DIXDC1: variants seen among roughly 807,000 people sequenced by gnomAD.
DIXDC1 encodes the protein DIX domain containing 1, also known as dixin.
Under a neutral mutation model 103.1 loss-of-function variants are expected in DIXDC1, and 64 were observed. That is an observed-to-expected ratio of 0.62 (90% confidence interval 0.51 to 0.76). The LOEUF (loss-of-function observed/expected upper bound fraction) is 0.76, where lower values mean the gene tolerates loss of function less well. Among genes scored for constraint, DIXDC1 ranks in the 30% least tolerant of loss-of-function variants. The pLI, the probability that DIXDC1 is intolerant of heterozygous loss-of-function variation, is 0.00. For synonymous variants in DIXDC1, 266 were observed against 298.5 expected (o/e 0.89, Z 1.12); for missense variants, 759 against 834.2 (o/e 0.91, Z 1.11).
chr11:111,946,760 C>T, intron 1 of DIXDC1: 1 of 486,824 alleles, frequency 2.1e-6, no homozygotes, highest in Non-Finnish European at 4.1e-6. Context: ...ACGCCACATG[C>T]AGATTTTGGT....
chr11:112,002,701 CA>C (rs1397755256), intron 17 of DIXDC1, among the ~76,000 whole-genome samples: 2 of 152,094 alleles, frequency 1.3e-5, no homozygotes, highest in Non-Finnish European at 2.9e-5. Flanking sequence ...GGTGGAAGGA[CA>C]GCTTTAGCCT....
At chr11:111,966,228 C>CTTTTTTTTTTTTTTTTTTTTTTTTTT (rs71060203) in intron 2 of DIXDC1, among the ~76,000 whole-genome samples, 2 of 91,702 alleles carry the variant, frequency 2.2e-5, no homozygotes, top group South Asian at 4.1e-4. Flanking sequence ...TTTTTTTTTC[C>CTTTTTTTTTTTTTTTTTTTTTTTTTT]TTTTTTTTTT....
intron 17 of DIXDC1, among the ~76,000 whole-genome samples, chr11:112,002,853 T>A (rs971437573): frequency 2.0e-5 from 3 of 152,040 alleles, no homozygotes; most frequent in Non-Finnish European, 2.9e-5. Context: ...CATCAACAGA[T>A]GAGTGGGTAT....
intron 19 of DIXDC1, among the ~76,000 whole-genome samples, chr11:112,018,725 A>C (rs1369938972): frequency 6.6e-6 from 1 of 152,216 alleles, no homozygotes; most frequent in Non-Finnish European, 1.5e-5. Flanking sequence ...TAATTCTTAC[A>C]AATCTCTATG....
chr11:111,949,495 C>G (rs1233479205), intron 1 of DIXDC1, among the ~76,000 whole-genome samples: 1 of 152,222 alleles, frequency 6.6e-6, no homozygotes, highest in Non-Finnish European at 1.5e-5. Context: ...CTCACTGGTG[C>G]TGCTTCAGTT....
chr11:111,950,495 G>T (rs1473273015), intron 1 of DIXDC1, among the ~76,000 whole-genome samples: 2 of 104,846 alleles, frequency 1.9e-5, no homozygotes, highest in Non-Finnish European at 3.6e-5. Context: ...CACTCTTGTC[G>T]CCCAGGCTGG....
intron 1 of DIXDC1, among the ~76,000 whole-genome samples, chr11:111,955,727 C>T (rs587754910): frequency 1.6e-4 from 23 of 145,936 alleles, no homozygotes; most frequent in Non-Finnish European, 2.4e-4. Context: ...CCCAGCTACT[C>T]GGGAGGCTGA....
chr11:111,993,643 T>A (rs1555174863), intron 13 of DIXDC1, 26 bp from the exon 14 acceptor site: 1 of 1,613,988 alleles, frequency 6.2e-7, no homozygotes, highest in Admixed American at 1.7e-5. Flanking sequence ...AAGAAATCAT[T>A]TTCTGATTTA....
At chr11:111,937,135 G>GC (rs1966223885), upstream of DIXDC1, 7 of 723,094 alleles carry the variant, frequency 9.7e-6, no homozygotes, top group African/African-American at 2.0e-5. Context: ...CCCGGGCGGG[G>GC]GGGGGGTGTG....
At chr11:111,955,907 A>G (rs1555170521) in intron 1 of DIXDC1, among the ~76,000 whole-genome samples, 1 of 151,486 alleles carries the variant, frequency 6.6e-6, no homozygotes, top group Admixed American at 6.6e-5. Flanking sequence ...CATTATTCAC[A>G]ATATCCAGGA....
chr11:111,980,909 G>C (rs1860280518), intron 6 of DIXDC1, 60 bp downstream of exon 6: 1 of 1,425,670 alleles, frequency 7.0e-7, no homozygotes, highest in Non-Finnish European at 9.8e-7. Context: ...AGAATTTAGA[G>C]GTCCCCATCA....
At chr11:111,944,952 A>G (rs1472439232) in intron 1 of DIXDC1, among the ~76,000 whole-genome samples, 1 of 152,228 alleles carries the variant, frequency 6.6e-6, no homozygotes, top group Admixed American at 6.5e-5. Context: ...TTACACACGT[A>G]GTATGTACCA....
chr11:111,966,228 C>G (rs112321278), intron 2 of DIXDC1, among the ~76,000 whole-genome samples: 1 of 91,720 alleles, frequency 1.1e-5, no homozygotes. Context: ...TTTTTTTTTC[C>G]TTTTTTTTTT....
At chr11:111,995,169 A>G in intron 15 of DIXDC1, 61 bp downstream of exon 15, 1 of 1,550,854 alleles carries the variant, frequency 6.4e-7, no homozygotes, top group Non-Finnish European at 8.9e-7. Context: ...AAGAGTGCCA[A>G]AGCCATGGCC....
Position 111,977,521 on chromosome 11 carries a change from T to A in DIXDC1, c.656+2538T>A. On this transcript the variant is annotated intron_variant, in intron 5 of 19. Transcript: ENST00000440460. The surrounding 1 kb of genome is among the most constrained non-coding windows in gnomAD (Gnocchi z 6.1). ...CCGCCGGGGCCGGGCTGCTGCACAG[T>A]CTGAGCGGCCGGGACTGCGCGCTTC... The A allele has an allele frequency of 1.0e-5, 14 of 1,405,952 alleles. No homozygotes were observed. Among genetic ancestry groups the A allele is most frequent in the Non-Finnish European group, 1.3e-5 (14 of 1,082,824 alleles). The allele number at this position is 1,405,952 out of a possible 1,614,324, so 87.1% of individuals were successfully genotyped here. A position where few individuals can be genotyped will look rare whatever the true frequency, so the allele number is the denominator to read the frequency against.
intron 17 of DIXDC1, among the ~76,000 whole-genome samples, chr11:112,012,193 T>C (rs1264185666): frequency 1.3e-5 from 2 of 152,214 alleles, no homozygotes; most frequent in African/African-American, 2.4e-5. Context: ...TTTGTAGATA[T>C]AAACAAGCCA....
chr11:112,002,093 A>G (rs1861086324), intron 17 of DIXDC1, among the ~76,000 whole-genome samples: 1 of 152,006 alleles, frequency 6.6e-6, no homozygotes, highest in African/African-American at 2.4e-5. Context: ...CTGAGAAGAC[A>G]GTATAGGAAC....
chr11:111,949,157 G>A lies in DIXDC1; in HGVS notation c.60+11598G>A, dbSNP rs587655232. On this transcript the variant is annotated intron_variant, in intron 1 of 19. Transcript: ENST00000440460. ...GCACAATACCTGGCATGTAGTAAGTGCTTGGTAGATGGCACTTATCTCACT... is the reference window on the plus strand; with the variant it reads ...GCACAATACCTGGCATGTAGTAAGTACTTGGTAGATGGCACTTATCTCACT... Among the ~76,000 whole-genome samples the A allele has an allele frequency of 7.9e-5, 12 of 152,266 alleles. No homozygotes were observed. In the East Asian group the frequency reaches 2.3e-3, roughly 29 times the overall value.
chr11:112,019,172 G>C lies in DIXDC1; in HGVS notation c.*136G>C. 4.5e-6 allele frequency: 3 copies of C among 665,946 alleles called. No homozygotes were observed. Among genetic ancestry groups the C allele is most frequent in the Middle Eastern group, 2.6e-4 (1 of 3,898 alleles). 41.3% of individuals were successfully genotyped at this position (665,946 alleles called of 1,614,324 possible). A position where few individuals can be genotyped will look rare whatever the true frequency, so the allele number is the denominator to read the frequency against. ...AAACAGAAGCTTCTCCAAGCATGAT[G>C]GCCACAGGTCAGTCCTCTTTCTGTG... On this transcript the variant is annotated 3_prime_UTR_variant, in exon 20 of 20. Transcript: ENST00000440460.
Sources: gnomAD v4.1 joint callset for allele counts (sites outside exome capture counted in the v4.1 genomes callset) on GRCh38, gnomAD v4.1.1 for gene constraint, Gnocchi (gnomAD v3.1) non-coding constraint, MANE v1.5 for transcripts, NCBI Gene and HGNC (gene_info 2026-07-23, HGNC 2026-07-21) for gene names.